The following CRTAC1 variants were observed in gnomAD, a reference collection of about 807,000 sequenced individuals.
CRTAC1 encodes the protein acidic secreted protein in cartilage.
In CRTAC1, 37 loss-of-function variants were observed where a neutral mutation model predicts 67.8. The observed-to-expected ratio is 0.55, with a 90% CI of 0.42 to 0.72. The LOEUF is 0.72. Ranked by LOEUF, CRTAC1 falls within the 30% of genes least tolerant of loss-of-function variation. The pLI, the probability that CRTAC1 is intolerant of heterozygous loss-of-function variation, is 0.00. For synonymous variants in CRTAC1, 348 were observed against 371.0 expected (o/e 0.94, Z 0.71); for missense variants, 780 against 931.6 (o/e 0.84, Z 2.12).
rs1436103733 is a variant in CRTAC1 at position 97,975,011 on chromosome 10, G to A, written c.224+36127C>T. ...GGAGGAGGAGACCGGAGAACGTGGA[G>A]CCCGCGGGAGGAGGCCGGAGCGCGG... On this transcript the variant is annotated intron_variant, in intron 2 of 14. Coordinates refer to ENST00000370597, the MANE Select transcript of CRTAC1 (RefSeq NM_018058.7). This position sits in a 1 kb window ranked among gnomAD's most constrained non-coding sequence, Gnocchi z 4.8. Among the ~76,000 whole-genome samples, 1 of 152,054 alleles carries A rather than the reference G, an allele frequency of 6.6e-6. No individual in the cohort carries two copies. Among genetic ancestry groups the A allele is most frequent in the African/African-American group, 2.4e-5 (1 of 41,404 alleles).
At chr10:97,964,857 A>G (rs1590244406) in intron 2 of CRTAC1, among the ~76,000 whole-genome samples, 1 of 152,298 alleles carries the variant, frequency 6.6e-6, no homozygotes, top group East Asian at 1.9e-4. Flanking sequence ...GGCGCTTGTC[A>G]TGATTTGTGG....
chr10:97,865,882 C>T, intron 14 of CRTAC1, 168 bp from the exon 15 acceptor site: 2 of 1,020,446 alleles, frequency 2.0e-6, no homozygotes, highest in South Asian at 1.8e-5. Context: ...GCCCCCTGTC[C>T]CTCACCCCCG....
At chr10:97,991,941 A>G (rs911319668) in intron 2 of CRTAC1, among the ~76,000 whole-genome samples, 9 of 152,242 alleles carry the variant, frequency 5.9e-5, no homozygotes, top group African/African-American at 2.2e-4. Context: ...GGAAACTTTT[A>G]TAATGAGACT....
chr10:97,909,400 C>A (rs1330462765), intron 5 of CRTAC1, among the ~76,000 whole-genome samples: 1 of 152,148 alleles, frequency 6.6e-6, no homozygotes, highest in Non-Finnish European at 1.5e-5. Flanking sequence ...AGCTCTGTGA[C>A]CCTGGGCAAT....
intron 5 of CRTAC1, among the ~76,000 whole-genome samples, chr10:97,914,895 C>T (rs1018022956): frequency 1.3e-5 from 2 of 152,198 alleles, no homozygotes; most frequent in East Asian, 3.9e-4. Flanking sequence ...TCCCGGGGCC[C>T]TCGAGTCCCC....
At chr10:97,896,051 A>G in intron 9 of CRTAC1, 66 bp from the exon 10 acceptor site, 2 of 1,408,052 alleles carry the variant, frequency 1.4e-6, no homozygotes, top group Non-Finnish European at 2.0e-6. Context: ...ACACGCTCCC[A>G]ACCAAGTGCA....
chr10:97,883,706 A>G (rs1459847173), intron 12 of CRTAC1, among the ~76,000 whole-genome samples: 1 of 152,186 alleles, frequency 6.6e-6, no homozygotes, highest in Non-Finnish European at 1.5e-5. Context: ...GTTAATCGCC[A>G]CCAAGTGAAC....
At chr10:97,882,654 G>A (rs2050230839) in intron 13 of CRTAC1, 132 bp downstream of exon 13, 2 of 907,150 alleles carry the variant, frequency 2.2e-6, no homozygotes, top group Non-Finnish European at 3.5e-6. Context: ...GGAGTCCCAG[G>A]ACAAACAACA....
chr10:97,995,218 C>T (rs1214350955), intron 2 of CRTAC1, among the ~76,000 whole-genome samples: 1 of 152,290 alleles, frequency 6.6e-6, no homozygotes, highest in African/African-American at 2.4e-5. Context: ...TAGAGAGGAA[C>T]AGTCCAAGGA....
intron 2 of CRTAC1, among the ~76,000 whole-genome samples, chr10:97,948,556 G>A (rs571521632): frequency 1.3e-5 from 2 of 152,332 alleles, no homozygotes; most frequent in Admixed American, 1.3e-4. Flanking sequence ...AGAGGCAGTG[G>A]ATGCTGCAGG....
At chr10:97,882,168 C>T (rs2136539415) in intron 13 of CRTAC1, among the ~76,000 whole-genome samples, 1 of 152,324 alleles carries the variant, frequency 6.6e-6, no homozygotes, top group Non-Finnish European at 1.5e-5. Flanking sequence ...GGCCTGACCC[C>T]TCCTTGCTGG....
At chr10:97,949,210 G>C (rs142028647) in intron 2 of CRTAC1, among the ~76,000 whole-genome samples, 115 of 152,342 alleles carry the variant, frequency 7.5e-4, no homozygotes, top group African/African-American at 2.6e-3. Context: ...ATGACCACTT[G>C]CCATGGTAAA....
intron 2 of CRTAC1, among the ~76,000 whole-genome samples, chr10:97,961,085 A>T (rs1349100106): frequency 1.3e-5 from 2 of 151,686 alleles, no homozygotes; most frequent in Admixed American, 6.6e-5. Flanking sequence ...ATTTTTTTTT[A>T]ATTTTATTTT....
chr10:97,920,662 G>C (rs2050823374), intron 4 of CRTAC1, among the ~76,000 whole-genome samples: 1 of 152,206 alleles, frequency 6.6e-6, no homozygotes, highest in South Asian at 2.1e-4. Flanking sequence ...CCATTAGCCC[G>C]GGTCCTAGTC....
intron 5 of CRTAC1, among the ~76,000 whole-genome samples, chr10:97,910,765 G>A (rs1349308235): frequency 6.6e-6 from 1 of 152,192 alleles, no homozygotes; most frequent in Non-Finnish European, 1.5e-5. Context: ...GCCCACCAGA[G>A]CTGGCATTTG....
intron 14 of CRTAC1, 105 bp from the exon 15 acceptor site, chr10:97,865,819 G>A (rs1450948927): frequency 6.3e-6 from 8 of 1,264,118 alleles, no homozygotes; most frequent in South Asian, 1.5e-5. Flanking sequence ...CCTGCTGCCC[G>A]GGGTGGGAGG....
intron 8 of CRTAC1, among the ~76,000 whole-genome samples, chr10:97,900,048 T>G (rs2050511627): frequency 6.6e-6 from 1 of 152,200 alleles, no homozygotes; most frequent in Non-Finnish European, 1.5e-5. Flanking sequence ...CCTCACCCCC[T>G]GAGATTCTAA....
At chr10:97,970,369 C>T (rs2051687887) in intron 2 of CRTAC1, among the ~76,000 whole-genome samples, 1 of 152,178 alleles carries the variant, frequency 6.6e-6, no homozygotes, top group African/African-American at 2.4e-5. Context: ...CGCATCATGT[C>T]ACCCCTTGGC....
In CRTAC1 at chr10:97,880,362, A is replaced by G. The variant is rs765552087; in HGVS notation, c.1706T>C (p.Val569Ala). The change falls in exon 14 of 15, where the codon GTG becomes GCG. Residue 569 changes from valine (V) to alanine (A), a missense_variant. Coordinates refer to ENST00000370597, the MANE Select transcript of CRTAC1 (RefSeq NM_018058.7). Reference protein sequence around the residue: ...DTNECIQFPFVCPRDKPVCVN... With the variant: ...DTNECIQFPFACPRDKPVCVN... ...ACATACGGGCTTGTCTCGAGGGCAC[A>G]CGAATGGGAACTGGATGCATTCATT... 1.2e-6 allele frequency: 2 copies of G among 1,614,018 alleles called. No individual in the cohort carries two copies. The highest frequency in any genetic ancestry group is 2.2e-5 in the South Asian group (2 of 91,080).
Sources: allele counts gnomAD v4.1 joint callset (sites outside exome capture counted in the v4.1 genomes callset), GRCh38; gene constraint gnomAD v4.1.1; non-coding constraint Gnocchi (gnomAD v3.1); transcripts MANE v1.5; gene names NCBI Gene and HGNC (gene_info 2026-07-23, HGNC 2026-07-21).